PRKN: variants seen among roughly 807,000 people sequenced by gnomAD.
PRKN encodes E3 ubiquitin-protein ligase parkin.
Under a neutral mutation model 59.5 loss-of-function variants are expected in PRKN, and 56 were observed. That is an observed-to-expected ratio of 0.94 (90% CI 0.76 to 1.18). The LOEUF is 1.18. Ranked by LOEUF, PRKN falls within the 50% of genes most tolerant of loss-of-function variation. The pLI, the probability that PRKN is intolerant of heterozygous loss-of-function variation, is 0.00. For synonymous variants in PRKN, 250 were observed against 222.1 expected (o/e 1.13, Z -1.12); for missense variants, 657 against 596.4 (o/e 1.10, Z -1.06).
At chr6:162,276,697 G>GTGTGTGTC (rs1357797883) in intron 2 of PRKN, among the ~76,000 whole-genome samples, 19 of 148,354 alleles carry the variant, frequency 1.3e-4, no homozygotes, top group South Asian at 2.2e-4. Context: ...GCTGGTGTGT[G>GTGTGTGTC]TGTGTGTGTC....
intron 9 of PRKN, among the ~76,000 whole-genome samples, chr6:161,441,950 G>T (rs1004257171): frequency 6.6e-6 from 1 of 152,110 alleles, no homozygotes; most frequent in Non-Finnish European, 1.5e-5. Context: ...GATAAAGCTG[G>T]CCCTGCCTCA....
Position 161,359,366 on chromosome 6 carries a change from C to G in PRKN, c.1285+722G>C, listed in dbSNP as rs1299053909. 3.3e-5 allele frequency among the ~76,000 whole-genome samples: 5 copies of G among 152,226 alleles called. No individual in the cohort carries two copies. The East Asian group carries it at 9.6e-4, about 29-fold the overall frequency. ...CCCATCCTGGGATGGCCGGGCTTCC[C>G]TCCCGCAAGTCAGCTCTGGGCAACC... is the stretch of plus-strand genomic sequence containing the variant. On this transcript the variant is annotated intron_variant, in intron 11 of 11. Coordinates refer to ENST00000366898, the MANE Select transcript of PRKN (RefSeq NM_004562.3). The surrounding 1 kb of genome is among the most constrained non-coding windows in gnomAD (Gnocchi z 5.4).
intron 2 of PRKN, among the ~76,000 whole-genome samples, chr6:162,328,596 A>C (rs1052209172): frequency 6.6e-6 from 1 of 152,190 alleles, no homozygotes; most frequent in African/African-American, 2.4e-5. Context: ...GTGCAGACGT[A>C]TCTTATAAGT....
chr6:161,505,488 T>C (rs1205981342), intron 9 of PRKN, among the ~76,000 whole-genome samples: 1 of 152,014 alleles, frequency 6.6e-6, no homozygotes, highest in Non-Finnish European at 1.5e-5. Context: ...CTGTTCACTC[T>C]GATGGTAGTT....
rs1003079323 is a variant in PRKN, at chr6:161,352,889, C to T, written c.1286-2678G>A. Among the ~76,000 whole-genome samples, 1 of 151,856 alleles carries T rather than the reference C, an allele frequency of 6.6e-6. No homozygotes were observed. The highest frequency in any genetic ancestry group is 1.5e-5 in the Non-Finnish European group (1 of 67,980). On this transcript the variant is annotated intron_variant, in intron 11 of 11. Transcript: ENST00000366898. This position sits in a 1 kb window ranked among gnomAD's most constrained non-coding sequence, Gnocchi z 5.8. ...CTGCCTCCCGGGTTCAAGCAATTCT[C>T]CTGCCTCAGCCTCTCGAGTAGTTGG...
At chr6:161,358,098 G>A (rs898669740) in intron 11 of PRKN, among the ~76,000 whole-genome samples, 2 of 151,988 alleles carry the variant, frequency 1.3e-5, no homozygotes. Context: ...TAATGCTGCA[G>A]TTGGCACCTT....
intron 2 of PRKN, among the ~76,000 whole-genome samples, chr6:162,421,182 C>T (rs943915154): frequency 2.0e-5 from 3 of 152,152 alleles, no homozygotes; most frequent in African/African-American, 4.8e-5. Context: ...TTATTATGCA[C>T]GATGTTTATC....
In PRKN at chr6:161,874,935, TATA is replaced by T. The variant is rs1794642343; in HGVS notation, c.735-89030_735-89028del. On this transcript the variant is annotated intron_variant, in intron 6 of 11. Coordinates refer to ENST00000366898, the MANE Select transcript of PRKN (RefSeq NM_004562.3). ...ATAAAATATAAAATATAAAATATAA[TATA>T]ATATATTATAGGTACTTTATATATA... is the stretch of plus-strand genomic sequence containing the variant. Among the ~76,000 whole-genome samples the T allele has an allele frequency of 1.3e-4, 11 of 86,134 alleles. 1 individual carries two copies. In the South Asian group the frequency reaches 4.3e-3, roughly 33 times the overall value. The allele number at this position is 86,134 out of a possible 152,430, so 56.5% of individuals were successfully genotyped here.
intron 9 of PRKN, among the ~76,000 whole-genome samples, chr6:161,479,353 A>G (rs1280456022): frequency 6.6e-6 from 1 of 152,220 alleles, no homozygotes; most frequent in East Asian, 1.9e-4. Flanking sequence ...ATGCCTAGAA[A>G]GATAAGTAAT....
In PRKN at chr6:162,080,995, G is replaced by A. The variant is rs74401679; in HGVS notation, c.535-26821C>T. Among the ~76,000 whole-genome samples, 75 of 152,170 alleles carry A rather than the reference G, an allele frequency of 4.9e-4. 1 individual carries two copies. In the East Asian group the frequency reaches 6.4e-3, roughly 13 times the overall value. The stretch of plus-strand genomic sequence containing the variant: ...AAACCACTTTGTTCTTCCATAAGAA[G>A]CAACTCCTCATCCGTTCATATTTTA... On this transcript the variant is annotated intron_variant, in intron 4 of 11. Transcript: ENST00000366898.
Position 161,414,033 on chromosome 6 carries a change from C to T in PRKN, c.1084-27156G>A, listed in dbSNP as rs977491002. 1.6e-4 allele frequency among the ~76,000 whole-genome samples: 25 copies of T among 152,172 alleles called. No homozygotes were observed. The highest frequency in any genetic ancestry group is 6.0e-4 in the African/African-American group (25 of 41,508). On this transcript the variant is annotated intron_variant, in intron 9 of 11. Transcript: ENST00000366898. This position sits in a 1 kb window ranked among gnomAD's most constrained non-coding sequence, Gnocchi z 5.3. ...AGGCAGAGCGGTGGGACGTGAAACT[C>T]CTCGACAGCACTGTGTCCTGGGCCG...
chr6:161,405,619 T>A lies in PRKN; in HGVS notation c.1084-18742A>T, dbSNP rs1777569234. Among the ~76,000 whole-genome samples the A allele has an allele frequency of 8.6e-6, 1 of 116,918 alleles. No individual in the cohort carries two copies. Among genetic ancestry groups the A allele is most frequent in the Non-Finnish European group, 2.0e-5 (1 of 50,896 alleles). 76.7% of individuals were successfully genotyped at this position (116,918 alleles called of 152,430 possible). ...AAAATAAAAATTAAAAATAAATAAATAAATAAATAAATAAATAAATAAATA... is the reference window on the plus strand; with the variant it reads ...AAAATAAAAATTAAAAATAAATAAAAAAATAAATAAATAAATAAATAAATA... On this transcript the variant is annotated intron_variant, in intron 9 of 11. Coordinates refer to ENST00000366898, the MANE Select transcript of PRKN (RefSeq NM_004562.3). This position sits in a 1 kb window ranked among gnomAD's most constrained non-coding sequence, Gnocchi z 5.1.
At chr6:161,801,144 G>A (rs983894421) in intron 6 of PRKN, among the ~76,000 whole-genome samples, 1 of 152,206 alleles carries the variant, frequency 6.6e-6, no homozygotes, top group Non-Finnish European at 1.5e-5. Flanking sequence ...CAGCCCACCG[G>A]TGACGGAGCA....
chr6:162,148,146 T>C lies in PRKN; in HGVS notation c.534+52985A>G, dbSNP rs376113676. ...AGATTCTGTGCCTATAAAACAACCA[T>C]TGGATAACAATTGAGCTATCCAAAA... On this transcript the variant is annotated intron_variant, in intron 4 of 11. Transcript: ENST00000366898. 2.6e-4 allele frequency among the ~76,000 whole-genome samples: 39 copies of C among 152,272 alleles called. 1 individual carries two copies. In the South Asian group the frequency reaches 7.7e-3, roughly 30 times the overall value.
intron 7 of PRKN, among the ~76,000 whole-genome samples, chr6:161,697,390 CTATG>C (rs964438852): frequency 1.3e-5 from 2 of 152,196 alleles, no homozygotes; most frequent in African/African-American, 4.8e-5. Context: ...ATCTCTTTCT[CTATG>C]TAGCAACTGT....
chr6:161,531,105 G>A (rs9456682), intron 9 of PRKN, among the ~76,000 whole-genome samples: 2,061 of 152,206 alleles, frequency 0.014, 55 homozygotes, highest in African/African-American at 0.047. Flanking sequence ...TGCAAGGCCG[G>A]GCGCGGTGGC....
rs1372196871 is a variant in PRKN at position 161,360,386 on chromosome 6, C to G, written c.1168-181G>C. Reference sequence around the variant, plus strand: ...CTACTAGGCGGATGGGGACACTCTCCCTGGCATGTGGCGTATGCGTAGGAG... The same window carrying G: ...CTACTAGGCGGATGGGGACACTCTCGCTGGCATGTGGCGTATGCGTAGGAG... On this transcript the variant is annotated intron_variant, in intron 10 of 11. Transcript: ENST00000366898. This position sits in a 1 kb window ranked among gnomAD's most constrained non-coding sequence, Gnocchi z 5.1. 6.6e-6 allele frequency among the ~76,000 whole-genome samples: 1 copy of G among 152,176 alleles called. No homozygotes were observed. The highest frequency in any genetic ancestry group is 1.5e-5 in the Non-Finnish European group (1 of 68,044).
At chr6:161,920,540 C>T (rs1185881423) in intron 6 of PRKN, among the ~76,000 whole-genome samples, 3 of 151,976 alleles carry the variant, frequency 2.0e-5, no homozygotes, top group African/African-American at 7.2e-5. Context: ...CCGGTAATCC[C>T]AGCACTTTGG....
chr6:162,664,032 G>A (rs1309392816), intron 1 of PRKN, among the ~76,000 whole-genome samples: 4 of 151,832 alleles, frequency 2.6e-5, no homozygotes, highest in South Asian at 2.1e-4. Context: ...ACCTGTCCTC[G>A]AAGTTCCTTC....
Sources: gnomAD v4.1 joint callset for allele counts (sites outside exome capture counted in the v4.1 genomes callset) on GRCh38, gnomAD v4.1.1 for gene constraint, Gnocchi (gnomAD v3.1) non-coding constraint, MANE v1.5 for transcripts, NCBI Gene and HGNC (gene_info 2026-07-23, HGNC 2026-07-21) for gene names.